Variants in SMOC2 observed in about 807,000 individuals in gnomAD.
SMOC2 encodes the protein SPARC-related modular calcium-binding protein 2.
SMOC2 carries 39 observed loss-of-function variants against 61.4 expected under a neutral mutation model. The ratio of observed to expected loss-of-function variants is 0.64; its 90% confidence interval spans 0.49 to 0.83. The LOEUF is 0.83. Ranked by LOEUF, SMOC2 falls within the 40% of genes least tolerant of loss-of-function variation. SMOC2 has a pLI of 0.00. For missense variants in SMOC2, 556 were observed against 592.9 expected (o/e 0.94, Z 0.65); for synonymous variants, 247 against 239.9 (o/e 1.03, Z -0.27).
chr6:168,495,826 A>G (rs1782575350), intron 1 of SMOC2, among the ~76,000 whole-genome samples: 2 of 151,776 alleles, frequency 1.3e-5, no homozygotes, highest in Admixed American at 1.3e-4. Context: ...GCAGTTCCCC[A>G]TGGTGGCTTC....
intron 9 of SMOC2, among the ~76,000 whole-genome samples, chr6:168,643,890 C>T (rs1055004980): frequency 1.3e-5 from 2 of 152,162 alleles, no homozygotes; most frequent in Admixed American, 6.5e-5. Context: ...GACATGCACA[C>T]GGCCCCACGC....
At chr6:168,599,497 CCCA>C (rs1785456049) in intron 8 of SMOC2, among the ~76,000 whole-genome samples, 1 of 112,032 alleles carries the variant, frequency 8.9e-6, no homozygotes, top group African/African-American at 3.8e-5. Flanking sequence ...ACCCCACACA[CCCA>C]CTGACACTCA....
intron 7 of SMOC2, among the ~76,000 whole-genome samples, chr6:168,564,314 T>C (rs1402281257): frequency 6.6e-6 from 1 of 152,182 alleles, no homozygotes; most frequent in Non-Finnish European, 1.5e-5. Flanking sequence ...GCACCCCATC[T>C]GCATGCCTGT....
At chr6:168,574,146 G>T (rs1562356990) in intron 7 of SMOC2, among the ~76,000 whole-genome samples, 2 of 152,274 alleles carry the variant, frequency 1.3e-5, no homozygotes, top group Non-Finnish European at 2.9e-5. Flanking sequence ...TGTGGATAGA[G>T]ACCCTCCTTC....
intron 1 of SMOC2, among the ~76,000 whole-genome samples, chr6:168,460,108 C>T (rs539884998): frequency 1.3e-5 from 2 of 151,954 alleles, no homozygotes; most frequent in Admixed American, 6.6e-5. Context: ...TGACTGATAC[C>T]CCAAAAGATA....
At chr6:168,485,672 G>C (rs559687959) in intron 1 of SMOC2, among the ~76,000 whole-genome samples, 2 of 152,296 alleles carry the variant, frequency 1.3e-5, no homozygotes, top group South Asian at 4.1e-4. Context: ...AGGAGGTTGT[G>C]TGGAAATAGG....
At chr6:168,603,326 G>T (rs551519984) in intron 8 of SMOC2, among the ~76,000 whole-genome samples, 1 of 150,286 alleles carries the variant, frequency 6.7e-6, no homozygotes, top group Non-Finnish European at 1.5e-5. Context: ...TAATACTGGG[G>T]GTGTCATAGG....
rs183603140 is a variant in SMOC2, at chr6:168,550,906, A to G, written c.637+1703A>G. On this transcript the variant is annotated intron_variant, in intron 7 of 12. Transcript: ENST00000356284. ...TTATTTCTGTTTCATACAAATTTGT[A>G]TATGAGAGATTAATTAAAACACTGT... is the stretch of plus-strand genomic sequence containing the variant. 2.6e-5 allele frequency among the ~76,000 whole-genome samples: 4 copies of G among 152,362 alleles called. No individual in the cohort carries two copies. The East Asian group carries it at 5.8e-4, about 22-fold the overall frequency.
intron 7 of SMOC2, among the ~76,000 whole-genome samples, chr6:168,585,065 T>G (rs1785018368): frequency 6.6e-6 from 1 of 152,226 alleles, no homozygotes; most frequent in South Asian, 2.1e-4. Context: ...TCAAGTGATC[T>G]TCCCATCTCA....
At chr6:168,485,727 G>GA (rs1193580398) in intron 1 of SMOC2, among the ~76,000 whole-genome samples, 1 of 152,016 alleles carries the variant, frequency 6.6e-6, no homozygotes, top group African/African-American at 2.4e-5. Flanking sequence ...GGGAGATGAT[G>GA]AAAAAAATTT....
chr6:168,441,413 C>T lies in SMOC2; in HGVS notation c.43C>T (p.Leu15=). 2 of 1,509,626 alleles carry T rather than the reference C, an allele frequency of 1.3e-6. No homozygotes were observed. Among genetic ancestry groups the T allele is most frequent in the East Asian group, 5.6e-5 (2 of 35,998 alleles). 93.5% of individuals were successfully genotyped at this position (1,509,626 alleles called of 1,614,324 possible). A position where few individuals can be genotyped will look rare whatever the true frequency, so the allele number is the denominator to read the frequency against. Residue 15 remains leucine, a synonymous_variant, in exon 1 of 13, where the codon CTG becomes TTG. Transcript: ENST00000356284. ...QLCWLPLLAG[L]LPPVPAQKFS... ...CTGCTGGCTGCCGCTGCTCGCTGGGCTGCTCCCGCCGGTGCCCGCTCAGAA... is the reference window on the plus strand; with the variant it reads ...CTGCTGGCTGCCGCTGCTCGCTGGGTTGCTCCCGCCGGTGCCCGCTCAGAA...
At position 168,454,953 on chromosome 6, in the gene SMOC2, G is replaced by A. The variant is rs185867907; in HGVS notation, c.84+13499G>A. ...TAATAGTGTGGGGCCGAGGGTCGGC[G>A]CTGGCCCAAAGGTGGCTCTCAAGAT... On this transcript the variant is annotated intron_variant, in intron 1 of 12. Coordinates refer to ENST00000356284, the MANE Select transcript of SMOC2 (RefSeq NM_001166412.2). Among the ~76,000 whole-genome samples the A allele has an allele frequency of 2.7e-3, 406 of 152,164 alleles. 6 individuals carry two copies. The highest frequency in any genetic ancestry group is 4.3e-4 in the Non-Finnish European group (29 of 68,004).
Position 168,642,391 on chromosome 6 carries a change from C to G in SMOC2, c.908-8290C>G, listed in dbSNP as rs1042568588. Among the ~76,000 whole-genome samples the G allele has an allele frequency of 1.3e-5, 2 of 152,290 alleles. 1 individual carries two copies. Among genetic ancestry groups the G allele is most frequent in the South Asian group, 4.1e-4 (2 of 4,824 alleles). ...ACAAGTGTAGGCTACGGTCTGTTGA[C>G]GTCTCCACTTGCTACAGTTCACAAC... is the stretch of plus-strand genomic sequence containing the variant. On this transcript the variant is annotated intron_variant, in intron 9 of 12. Coordinates refer to ENST00000356284, the MANE Select transcript of SMOC2 (RefSeq NM_001166412.2).
At chr6:168,580,764 A>G (rs2115157861) in intron 7 of SMOC2, among the ~76,000 whole-genome samples, 1 of 152,238 alleles carries the variant, frequency 6.6e-6, no homozygotes, top group East Asian at 1.9e-4. Flanking sequence ...GCTGGTCTCA[A>G]ATTCCTGGGC....
chr6:168,570,685 C>G (rs1054647083), intron 7 of SMOC2, among the ~76,000 whole-genome samples: 1 of 151,944 alleles, frequency 6.6e-6, no homozygotes, highest in African/African-American at 2.4e-5. Flanking sequence ...AGGAGAGGGA[C>G]GCTAAATACT....
In SMOC2 at chr6:168,649,329, C is replaced by T. The variant is rs138969914; in HGVS notation, c.908-1352C>T. Among the ~76,000 whole-genome samples, 393 of 152,242 alleles carry T rather than the reference C, an allele frequency of 2.6e-3. 1 individual carries two copies. The highest frequency in any genetic ancestry group is 8.9e-3 in the African/African-American group (370 of 41,554). ...CCTTCCTGCTGTGGTGAGGACGGTC[C>T]GAGCAGATGTTCTAATGCCCGAGGT... On this transcript the variant is annotated intron_variant, in intron 9 of 12. Transcript: ENST00000356284.
intron 1 of SMOC2, among the ~76,000 whole-genome samples, chr6:168,451,369 C>T (rs73791024): frequency 0.049 from 7,416 of 152,282 alleles, 616 homozygotes; most frequent in African/African-American, 0.17. Flanking sequence ...CTGCCACATG[C>T]GAAGGCTATT....
chr6:168,602,722 CAGTT>C (rs1307944056), intron 8 of SMOC2, among the ~76,000 whole-genome samples: 5 of 152,194 alleles, frequency 3.3e-5, no homozygotes, highest in Admixed American at 2.0e-4. Flanking sequence ...CTCGTGCAAA[CAGTT>C]AGACAGGTGG....
chr6:168,564,307 C>T (rs1451428833), intron 7 of SMOC2, among the ~76,000 whole-genome samples: 1 of 152,098 alleles, frequency 6.6e-6, no homozygotes, highest in African/African-American at 2.4e-5. Context: ...ATTCTTTGCA[C>T]CCCATCTGCA....
Sources: allele counts gnomAD v4.1 joint callset (sites outside exome capture counted in the v4.1 genomes callset), GRCh38; gene constraint gnomAD v4.1.1; transcripts MANE v1.5; gene names NCBI Gene and HGNC (gene_info 2026-07-23, HGNC 2026-07-21).